CEPT1: variants seen among roughly 807,000 people sequenced by gnomAD.
CEPT1 encodes choline/ethanolaminephosphotransferase 1.
A neutral mutation model predicts 42.6 loss-of-function variants in CEPT1; 7 were observed. That is an observed-to-expected ratio of 0.16 (90% CI 0.09 to 0.31). CEPT1 has a LOEUF of 0.31. CEPT1 is among the 10% of genes least tolerant of loss of function. The probability of loss-of-function intolerance (pLI) is 1.00; values close to 1 mark genes in which losing one functional copy is unlikely to be tolerated. For synonymous variants in CEPT1, 171 were observed against 171.9 expected (o/e 0.99, Z 0.04); for missense variants, 306 against 502.1 (o/e 0.61, Z 3.73).
intron 1 of CEPT1, among the ~76,000 whole-genome samples, chr1:111,146,376 AAAATAAC>A (rs1257316909): frequency 6.6e-6 from 1 of 152,140 alleles, no homozygotes; most frequent in Non-Finnish European, 1.5e-5. Flanking sequence ...CAAAAGCCAA[AAAATAAC>A]AAACTGATTT....
rs975260995 is a variant in CEPT1 at position 111,161,442 on chromosome 1, C to T, written c.629+146C>T. On this transcript the variant is annotated intron_variant, in intron 4 of 8. Transcript: ENST00000357172. The stretch of plus-strand genomic sequence containing the variant: ...TTATGCTTCATTATTATAGCTATTT[C>T]CTAATAGTCTCTGCATATGTCCCTC... 15 of 724,786 alleles carry T rather than the reference C, an allele frequency of 2.1e-5. No homozygotes were observed. In the African/African-American group the frequency reaches 2.7e-4, roughly 13 times the overall value. The allele number at this position is 724,786 out of a possible 1,614,324, so 44.9% of individuals were successfully genotyped here. A position where few individuals can be genotyped will look rare whatever the true frequency, so the allele number is the denominator to read the frequency against.
intron 6 of CEPT1, 120 bp from the exon 7 acceptor site, chr1:111,182,679 C>T: frequency 1.2e-6 from 1 of 852,732 alleles, no homozygotes; most frequent in Non-Finnish European, 1.8e-6. Context: ...GAAATTGCTG[C>T]CTATCAGGCA....
chr1:111,147,767 C>T lies in CEPT1; in HGVS notation c.53C>T (p.Ser18Phe). ...RKRCGDSHPESPVGFGHMSTT... is the reference protein window; with the variant it reads ...RKRCGDSHPEFPVGFGHMSTT... Reference sequence around the variant, plus strand: ...AGATGTGGAGATTCTCACCCGGAGTCCCCAGTGGGCTTCGGGCATATGAGT... The same window carrying T: ...AGATGTGGAGATTCTCACCCGGAGTTCCCAGTGGGCTTCGGGCATATGAGT... Residue 18 changes from serine to phenylalanine, a missense_variant, in exon 2 of 9, where the codon TCC (serine) becomes TTC (phenylalanine). By Grantham distance (155) the Ser-to-Phe change is radical. Coordinates refer to ENST00000357172, the MANE Select transcript of CEPT1 (RefSeq NM_006090.5). 6.2e-7 allele frequency: 1 copy of T among 1,613,990 alleles called. No individual in the cohort carries two copies. Among genetic ancestry groups the T allele is most frequent in the Non-Finnish European group, 8.5e-7 (1 of 1,179,954 alleles).
Position 111,147,978 on chromosome 1 carries a change from C to T in CEPT1, c.264C>T (p.Ile88=), listed in dbSNP as rs1419064266. ...RVPSWIAPNL[I]TIIGLSINIC... ...CCTCCTGGATTGCCCCAAATCTCAT[C>T]ACCATCATTGGACTGTCAATAAACA... The change falls in exon 2 of 9, where the codon ATC becomes ATT. Residue 88 remains isoleucine, a synonymous_variant. Coordinates refer to ENST00000357172, the MANE Select transcript of CEPT1 (RefSeq NM_006090.5). The T allele has an allele frequency of 6.2e-7, 1 of 1,614,158 alleles. No individual in the cohort carries two copies. Among genetic ancestry groups the T allele is most frequent in the South Asian group, 1.1e-5 (1 of 91,066 alleles).
chr1:111,167,764 GA>G, intron 4 of CEPT1: 1 of 959,736 alleles, frequency 1.0e-6, no homozygotes, highest in Non-Finnish European at 1.2e-6. Flanking sequence ...TTGTGCTTTT[GA>G]AACTAAATAT....
chr1:111,181,740 CATTTCT>C (rs1314773139), intron 5 of CEPT1: 1 of 152,238 alleles, frequency 6.6e-6, no homozygotes, highest in African/African-American at 2.4e-5. Context: ...CTAGTCGCAA[CATTTCT>C]ATTATGATTC....
At chr1:111,174,635 A>C (rs1414609668) in intron 4 of CEPT1, among the ~76,000 whole-genome samples, 2 of 151,936 alleles carry the variant, frequency 1.3e-5, no homozygotes, top group Non-Finnish European at 2.9e-5. Flanking sequence ...ATGAGTCAGA[A>C]ATTTCCTTTG....
intron 4 of CEPT1, among the ~76,000 whole-genome samples, chr1:111,164,764 G>A (rs371619531): frequency 1.3e-5 from 2 of 151,804 alleles, no homozygotes; most frequent in East Asian, 3.9e-4. Context: ...AGGACTACAG[G>A]TGCGTGCTGC....
chr1:111,158,510 G>A (rs1655692266), intron 2 of CEPT1, among the ~76,000 whole-genome samples: 2 of 152,092 alleles, frequency 1.3e-5, no homozygotes, highest in South Asian at 4.1e-4. Flanking sequence ...TTATTTAATG[G>A]CCCATTGAAG....
chr1:111,158,975 G>A (rs1365769098), intron 2 of CEPT1, among the ~76,000 whole-genome samples: 103 of 135,080 alleles, frequency 7.6e-4, no homozygotes, highest in African/African-American at 2.7e-3. Flanking sequence ...GTGCAGTGGC[G>A]CAATCTCGGC....
chr1:111,170,631 C>T (rs1268658353), intron 4 of CEPT1, among the ~76,000 whole-genome samples: 1 of 152,242 alleles, frequency 6.6e-6, no homozygotes, highest in East Asian at 1.9e-4. Flanking sequence ...GTTCACCCCA[C>T]CCATGGTATT....
chr1:111,183,357 C>T, intron 7 of CEPT1, 105 bp from the exon 8 acceptor site: 7 of 1,308,060 alleles, frequency 5.4e-6, no homozygotes, highest in Non-Finnish European at 7.4e-6. Context: ...AACAGCTATT[C>T]CTAAATAATT....
rs747080761 is a variant in CEPT1, at chr1:111,184,543, A to G, written c.*233A>G. On this transcript the variant is annotated 3_prime_UTR_variant, in exon 9 of 9. Transcript: ENST00000357172. Reference sequence around the variant, plus strand: ...CAGGGTTTGGGCCAAGAAAGCATGCAGAAAAAAATGCCATGTGATTGTAAT... The same window carrying G: ...CAGGGTTTGGGCCAAGAAAGCATGCGGAAAAAAATGCCATGTGATTGTAAT... 8.9e-6 allele frequency: 3 copies of G among 337,598 alleles called. 1 individual carries two copies. Among genetic ancestry groups the G allele is most frequent in the Non-Finnish European group, 5.4e-6 (1 of 185,010 alleles). 20.9% of individuals were successfully genotyped at this position (337,598 alleles called of 1,614,324 possible). A position where few individuals can be genotyped will look rare whatever the true frequency, so the allele number is the denominator to read the frequency against.
chr1:111,167,701 G>A (rs2101345889), intron 4 of CEPT1: 1 of 983,980 alleles, frequency 1.0e-6, no homozygotes, highest in East Asian at 1.1e-4. Flanking sequence ...TAATATTTAT[G>A]CTGGAAGCTA....
chr1:111,146,796 T>C (rs1279541807), intron 1 of CEPT1, among the ~76,000 whole-genome samples: 1 of 152,162 alleles, frequency 6.6e-6, no homozygotes, highest in Non-Finnish European at 1.5e-5. Flanking sequence ...CCACTTTTAC[T>C]TTTTTTCCTT....
chr1:111,171,213 T>C (rs1656397271), intron 4 of CEPT1, among the ~76,000 whole-genome samples: 1 of 152,200 alleles, frequency 6.6e-6, no homozygotes, highest in Non-Finnish European at 1.5e-5. Context: ...ATGGAAACTT[T>C]CAAAATAGAA....
chr1:111,182,294 T>C lies in CEPT1; in HGVS notation c.822T>C (p.Val274=). 6.2e-7 allele frequency: 1 copy of C among 1,613,102 alleles called. No individual in the cohort carries two copies. Among genetic ancestry groups the C allele is most frequent in the Non-Finnish European group, 8.5e-7 (1 of 1,179,498 alleles). Residue 274 remains valine (V), a synonymous_variant, in exon 6 of 9, where the codon GTT becomes GTC. Coordinates refer to ENST00000357172, the MANE Select transcript of CEPT1 (RefSeq NM_006090.5). The part of the protein sequence containing the change: ...NYFRVIFTGG[V]GKNGSTIAGT... ...TCCGTGTAATCTTCACAGGTGGTGT[T>C]GGCAAAAATGGATCAACAATAGCAG...
At chr1:111,163,668 A>G (rs1236565911) in intron 4 of CEPT1, among the ~76,000 whole-genome samples, 2 of 152,214 alleles carry the variant, frequency 1.3e-5, no homozygotes, top group Admixed American at 1.3e-4. Flanking sequence ...CAAAATAACA[A>G]TGTAATGGAG....
At chr1:111,142,461 TA>T (rs1039233575) in intron 1 of CEPT1, among the ~76,000 whole-genome samples, 3 of 152,206 alleles carry the variant, frequency 2.0e-5, no homozygotes, top group Admixed American at 6.5e-5. Flanking sequence ...TATTAAATAC[TA>T]GACGAATAAT....
Sources: allele counts gnomAD v4.1 joint callset (sites outside exome capture counted in the v4.1 genomes callset), GRCh38; gene constraint gnomAD v4.1.1; transcripts MANE v1.5; gene names NCBI Gene and HGNC (gene_info 2026-07-23, HGNC 2026-07-21).